The following NDUFAF2 variants were observed in gnomAD, a reference collection of about 807,000 sequenced individuals.
The protein encoded by NDUFAF2 is NADH dehydrogenase [ubiquinone] 1 alpha subcomplex assembly factor 2.
In NDUFAF2, 13 loss-of-function variants were observed where a neutral mutation model predicts 22.8. The ratio of observed to expected loss-of-function variants is 0.57; its 90% confidence interval spans 0.37 to 0.91. NDUFAF2 has a LOEUF of 0.91. Ranked by LOEUF, NDUFAF2 falls within the 40% of genes least tolerant of loss-of-function variation. The pLI, the probability that NDUFAF2 is intolerant of heterozygous loss-of-function variation, is 0.01. For synonymous variants in NDUFAF2, 53 were observed against 64.2 expected (o/e 0.83, Z 0.84); for missense variants, 162 against 195.2 (o/e 0.83, Z 1.01).
intron 1 of NDUFAF2, among the ~76,000 whole-genome samples, chr5:61,015,225 A>T (rs1337350329): frequency 6.6e-6 from 1 of 152,196 alleles, no homozygotes; most frequent in East Asian, 1.9e-4. Flanking sequence ...TACTTATCTG[A>T]CACACTATTT....
chr5:61,035,405 T>G (rs1282023048), intron 1 of NDUFAF2, among the ~76,000 whole-genome samples: 1 of 143,720 alleles, frequency 7.0e-6, no homozygotes, highest in Non-Finnish European at 1.5e-5. Context: ...ATAAGACAAC[T>G]CTCTTTCTCT....
At chr5:61,132,533 C>T (rs1753125240) in intron 3 of NDUFAF2, among the ~76,000 whole-genome samples, 1 of 152,150 alleles carries the variant, frequency 6.6e-6, no homozygotes, top group Admixed American at 6.5e-5. Flanking sequence ...TCCTGGGCTA[C>T]CACTGATACC....
chr5:60,994,831 G>C (rs1390580387), intron 1 of NDUFAF2, among the ~76,000 whole-genome samples: 1 of 151,790 alleles, frequency 6.6e-6, no homozygotes. Flanking sequence ...TCTTAAATTT[G>C]CCCTTTTCAG....
rs545176392 is a variant in NDUFAF2, at chr5:61,042,208, A to T, written c.128-30917A>T. Among the ~76,000 whole-genome samples, 3 of 152,304 alleles carry T rather than the reference A, an allele frequency of 2.0e-5. No homozygotes were observed. The East Asian group carries it at 5.8e-4, about 29-fold the overall frequency. On this transcript the variant is annotated intron_variant, in intron 1 of 3. Coordinates refer to ENST00000296597, the MANE Select transcript of NDUFAF2 (RefSeq NM_174889.5). Reference sequence around the variant, plus strand: ...TGGTCCTTTATAAACAAATAATTCCATGATTATAATTTAAATTTTTTATAA... The same window carrying T: ...TGGTCCTTTATAAACAAATAATTCCTTGATTATAATTTAAATTTTTTATAA...
intron 1 of NDUFAF2, among the ~76,000 whole-genome samples, chr5:61,047,797 TA>T (rs1751972053): frequency 6.6e-6 from 1 of 152,144 alleles, no homozygotes; most frequent in Admixed American, 6.6e-5. Flanking sequence ...TCAGGAAAAG[TA>T]AAAAGAGTAA....
chr5:60,952,408 C>T (rs536753539), intron 1 of NDUFAF2, among the ~76,000 whole-genome samples: 8 of 151,874 alleles, frequency 5.3e-5, no homozygotes, highest in South Asian at 4.1e-4. Context: ...TTTCATGTAA[C>T]GAATATATTT....
intron 3 of NDUFAF2, among the ~76,000 whole-genome samples, chr5:61,108,874 A>T (rs879361064): frequency 1.3e-5 from 2 of 152,110 alleles, no homozygotes; most frequent in Non-Finnish European, 2.9e-5. Context: ...TGTATAGTGT[A>T]ATTTATGCCA....
chr5:61,121,703 T>A (rs1752978277), intron 3 of NDUFAF2, among the ~76,000 whole-genome samples: 1 of 152,144 alleles, frequency 6.6e-6, no homozygotes, highest in Non-Finnish European at 1.5e-5. Context: ...GTGAAGCAGC[T>A]TACCCTCTAT....
chr5:60,973,911 C>T (rs1750868003), intron 1 of NDUFAF2, among the ~76,000 whole-genome samples: 1 of 152,168 alleles, frequency 6.6e-6, no homozygotes, highest in South Asian at 2.1e-4. Flanking sequence ...CTCAGTGATT[C>T]TCCCACCTCA....
intron 1 of NDUFAF2, among the ~76,000 whole-genome samples, chr5:60,977,956 T>C (rs2112576692): frequency 6.6e-6 from 1 of 151,844 alleles, no homozygotes; most frequent in East Asian, 1.9e-4. Context: ...GAAGCAGAGA[T>C]GAGTGATCAT....
chr5:60,999,884 G>A (rs1029147996), intron 1 of NDUFAF2, among the ~76,000 whole-genome samples: 1 of 151,920 alleles, frequency 6.6e-6, no homozygotes, highest in Admixed American at 6.6e-5. Flanking sequence ...TTACTATTTT[G>A]CTTTGTTGCA....
intron 3 of NDUFAF2, chr5:61,116,053 A>G (rs1033592819): frequency 2.0e-5 from 3 of 152,214 alleles, no homozygotes; most frequent in Admixed American, 6.5e-5. Context: ...TGAGACCTCT[A>G]GATCTTTTTC....
At chr5:61,081,206 G>T (rs968482471) in intron 2 of NDUFAF2, among the ~76,000 whole-genome samples, 1 of 151,972 alleles carries the variant, frequency 6.6e-6, no homozygotes, top group East Asian at 1.9e-4. Context: ...AGTGCTGATT[G>T]TCTTGATTAC....
At chr5:61,040,279 C>CAT (rs1561548557) in intron 1 of NDUFAF2, among the ~76,000 whole-genome samples, 1 of 104,114 alleles carries the variant, frequency 9.6e-6, no homozygotes, top group African/African-American at 3.9e-5. Context: ...CACACACACA[C>CAT]ACACACACGC....
intron 3 of NDUFAF2, among the ~76,000 whole-genome samples, chr5:61,128,425 A>G (rs1464618472): frequency 1.3e-5 from 2 of 152,228 alleles, no homozygotes; most frequent in African/African-American, 2.4e-5. Context: ...TAACCAAAAC[A>G]GCATGGTACT....
intron 1 of NDUFAF2, among the ~76,000 whole-genome samples, chr5:60,952,403 T>G (rs1750559772): frequency 6.6e-6 from 1 of 152,054 alleles, no homozygotes; most frequent in South Asian, 2.1e-4. Flanking sequence ...AAAATTTTCA[T>G]GTAACGAATA....
rs113735666 is a variant in NDUFAF2 at position 60,977,315 on chromosome 5, G to A, written c.127+31933G>A. Among the ~76,000 whole-genome samples, 368 of 152,026 alleles carry A rather than the reference G, an allele frequency of 2.4e-3. 8 individuals are homozygous for A. The highest frequency in any genetic ancestry group is 8.5e-3 in the African/African-American group (354 of 41,476). On this transcript the variant is annotated intron_variant, in intron 1 of 3. Transcript: ENST00000296597. ...AGAGTGGCATACATCTGCAGTCCTG[G>A]CTACTCTGGAGGCTGGGGTGTTGGG...
intron 1 of NDUFAF2, among the ~76,000 whole-genome samples, chr5:61,066,499 T>A (rs1752229651): frequency 6.6e-6 from 1 of 151,996 alleles, no homozygotes; most frequent in South Asian, 2.1e-4. Context: ...GCTATAGTAA[T>A]CAAAACAGTA....
chr5:61,131,333 G>A (rs752887992), intron 3 of NDUFAF2, among the ~76,000 whole-genome samples: 2 of 151,588 alleles, frequency 1.3e-5, no homozygotes, highest in African/African-American at 2.4e-5. Flanking sequence ...AGGCCACCAC[G>A]CCCAGCTAAT....
Sources: gnomAD v4.1 joint callset for allele counts (sites outside exome capture counted in the v4.1 genomes callset) on GRCh38, gnomAD v4.1.1 for gene constraint, MANE v1.5 for transcripts, NCBI Gene and HGNC (gene_info 2026-07-23, HGNC 2026-07-21) for gene names.